XKR4: variants seen among roughly 807,000 people sequenced by gnomAD.
XKR4 encodes XK related 4.
XKR4 carries 12 observed loss-of-function variants against 53.9 expected under a neutral mutation model. That is an observed-to-expected ratio of 0.22 (90% CI 0.14 to 0.36). XKR4 has a LOEUF of 0.36. Among genes scored for constraint, XKR4 ranks in the 10% least tolerant of loss-of-function variants. The pLI, the probability that XKR4 is intolerant of heterozygous loss-of-function variation, is 1.00. For missense variants in XKR4, 799 were observed against 859.5 expected (o/e 0.93, Z 0.88); for synonymous variants, 354 against 362.4 (o/e 0.98, Z 0.26).
chr8:55,168,244 A>G (rs1817097489), intron 1 of XKR4, among the ~76,000 whole-genome samples: 1 of 152,156 alleles, frequency 6.6e-6, no homozygotes, highest in African/African-American at 2.4e-5. Flanking sequence ...TGGGACCCTG[A>G]GTAGAAGAGC....
At chr8:55,264,506 G>T (rs765957419) in intron 1 of XKR4, among the ~76,000 whole-genome samples, 1 of 152,172 alleles carries the variant, frequency 6.6e-6, no homozygotes. Flanking sequence ...AGAACAATCA[G>T]TATGATTATT....
intron 1 of XKR4, among the ~76,000 whole-genome samples, chr8:55,207,908 T>C (rs1364041579): frequency 6.6e-6 from 1 of 152,218 alleles, no homozygotes; most frequent in Non-Finnish European, 1.5e-5. Context: ...CTCCCCTTGT[T>C]ACAACTGCTT....
chr8:55,385,072 A>G (rs1804289516), intron 2 of XKR4, among the ~76,000 whole-genome samples: 2 of 152,176 alleles, frequency 1.3e-5, no homozygotes, highest in African/African-American at 4.8e-5. Context: ...GATTTAAGTC[A>G]GGTAAAGAAG....
intron 1 of XKR4, among the ~76,000 whole-genome samples, chr8:55,314,621 G>A (rs1317212894): frequency 6.6e-6 from 1 of 152,208 alleles, no homozygotes; most frequent in East Asian, 1.9e-4. Flanking sequence ...TTAAGAGTTA[G>A]AATTTTTTGA....
intron 1 of XKR4, among the ~76,000 whole-genome samples, chr8:55,265,555 G>C (rs1818585879): frequency 6.6e-6 from 1 of 152,128 alleles, no homozygotes; most frequent in Non-Finnish European, 1.5e-5. Flanking sequence ...TTCAACCTAA[G>C]AGTAAGAAAG....
chr8:55,283,399 C>G (rs1225676429), intron 1 of XKR4, among the ~76,000 whole-genome samples: 2 of 152,238 alleles, frequency 1.3e-5, no homozygotes, highest in Non-Finnish European at 2.9e-5. Context: ...CCAGACTTCT[C>G]TGAAACTCAG....
intron 1 of XKR4, among the ~76,000 whole-genome samples, chr8:55,163,090 T>C (rs1033623056): frequency 1.7e-4 from 26 of 152,364 alleles, no homozygotes; most frequent in African/African-American, 5.8e-4. Flanking sequence ...TTCTTTATGT[T>C]GTAATTTCAG....
At chr8:55,471,390 C>T (rs866888248) in intron 2 of XKR4, among the ~76,000 whole-genome samples, 1 of 152,104 alleles carries the variant, frequency 6.6e-6, no homozygotes, top group Non-Finnish European at 1.5e-5. Flanking sequence ...CTTTTCCCCT[C>T]AACCAGCAGC....
At chr8:55,377,023 C>A (rs1449540962) in intron 2 of XKR4, among the ~76,000 whole-genome samples, 1 of 152,064 alleles carries the variant, frequency 6.6e-6, no homozygotes, top group East Asian at 1.9e-4. Flanking sequence ...GTGTAACAGG[C>A]ACAGACTTTC....
chr8:55,262,251 G>A (rs1818537163), intron 1 of XKR4, among the ~76,000 whole-genome samples: 1 of 152,172 alleles, frequency 6.6e-6, no homozygotes, highest in South Asian at 2.1e-4. Context: ...TATATAAATT[G>A]CCAGAATTAA....
Position 55,103,333 on chromosome 8 carries a change from G to GCTA in XKR4, c.806+44_806+46dup, listed in dbSNP as rs531001802. Reference sequence around the variant, plus strand: ...TGGGGGAAAAGGGAGGCTTGCTGCTGCTACTACATCCCCACTGCTTTGCTT... The same window carrying GCTA: ...TGGGGGAAAAGGGAGGCTTGCTGCTGCTACTACTACATCCCCACTGCTTTGCTT... On this transcript the variant is annotated intron_variant, in intron 1 of 2. Coordinates refer to ENST00000327381, the MANE Select transcript of XKR4 (RefSeq NM_052898.2). The GCTA allele has an allele frequency of 4.9e-3, 7,682 of 1,554,740 alleles. 20 individuals are homozygous for GCTA. The highest frequency in any genetic ancestry group is 5.9e-3 in the Non-Finnish European group (6,819 of 1,147,744).
chr8:55,118,707 G>A (rs750450937), intron 1 of XKR4, among the ~76,000 whole-genome samples: 14 of 152,286 alleles, frequency 9.2e-5, no homozygotes, highest in Middle Eastern at 6.8e-3. Context: ...TATGACTTGC[G>A]TTGAAAGGGC....
At position 55,538,825 on chromosome 8, in the gene XKR4, T is replaced by C. The variant is rs1023501882; in HGVS notation, c.*14598T>C. 1 of 152,326 alleles carries C rather than the reference T, an allele frequency of 6.6e-6. No individual in the cohort carries two copies. The highest frequency in any genetic ancestry group is 1.5e-5 in the Non-Finnish European group (1 of 68,024). 9.4% of individuals were successfully genotyped at this position (152,326 alleles called of 1,614,324 possible). A position where few individuals can be genotyped will look rare whatever the true frequency, so the allele number is the denominator to read the frequency against. ...GAGATTAGAGTTGGTGTCATTTCCA[T>C]TGAGTATCCTCTTCACCCCTAAGAT... is the stretch of plus-strand genomic sequence containing the variant. On this transcript the variant is annotated 3_prime_UTR_variant, in exon 3 of 3. Transcript: ENST00000327381.
intron 2 of XKR4, among the ~76,000 whole-genome samples, chr8:55,444,998 GC>G (rs1805323849): frequency 1.3e-5 from 2 of 152,094 alleles, no homozygotes; most frequent in South Asian, 4.1e-4. Context: ...ATCCTATACT[GC>G]CATGAAAATG....
At chr8:55,112,509 G>T (rs946500313) in intron 1 of XKR4, among the ~76,000 whole-genome samples, 4 of 142,454 alleles carry the variant, frequency 2.8e-5, no homozygotes, top group African/African-American at 7.7e-5. Context: ...TGCAGTACAG[G>T]TAATAGTCAT....
chr8:55,303,578 G>A (rs1295717239), intron 1 of XKR4, among the ~76,000 whole-genome samples: 1 of 152,222 alleles, frequency 6.6e-6, no homozygotes, highest in Non-Finnish European at 1.5e-5. Flanking sequence ...AATGGTACCA[G>A]CTCCTCGTTG....
intron 1 of XKR4, among the ~76,000 whole-genome samples, chr8:55,155,136 T>G (rs543233759): frequency 1.1e-4 from 17 of 152,062 alleles, no homozygotes; most frequent in African/African-American, 4.1e-4. Context: ...CAAAACAGAG[T>G]AGGGTTTGAG....
At chr8:55,353,666 T>C (rs1486691284) in intron 1 of XKR4, among the ~76,000 whole-genome samples, 1 of 152,200 alleles carries the variant, frequency 6.6e-6, no homozygotes, top group Non-Finnish European at 1.5e-5. Context: ...TGATTGGTGA[T>C]GATCGAATGG....
At chr8:55,414,534 AT>A (rs1362969684) in intron 2 of XKR4, among the ~76,000 whole-genome samples, 1 of 149,312 alleles carries the variant, frequency 6.7e-6, no homozygotes, top group Non-Finnish European at 1.5e-5. Context: ...ATCTATGTAG[AT>A]TATATATAGA....
Sources: allele counts gnomAD v4.1 joint callset (sites outside exome capture counted in the v4.1 genomes callset), GRCh38; gene constraint gnomAD v4.1.1; transcripts MANE v1.5; gene names NCBI Gene and HGNC (gene_info 2026-07-23, HGNC 2026-07-21).